The following TET1 variants were observed in gnomAD, a reference collection of about 807,000 sequenced individuals.
TET1 encodes tet methylcytosine dioxygenase 1, also known as methylcytosine dioxygenase TET1.
TET1 carries 13 observed loss-of-function variants against 148.7 expected under a neutral mutation model. The ratio of observed to expected loss-of-function variants is 0.09; its 90% CI spans 0.06 to 0.14. The LOEUF is 0.14. Ranked by LOEUF, TET1 falls within the 10% of genes least tolerant of loss-of-function variation. The pLI is 1.00. For missense variants in TET1, 2,182 were observed against 2,553.8 expected, an observed-to-expected ratio of 0.85 and a Z score of 3.14; for synonymous variants, 907 against 937.2, an observed-to-expected ratio of 0.97 and a Z score of 0.59.
rs73262432 is a variant in TET1 at position 68,669,148 on chromosome 10, G to A, written c.4673+1892G>A. On this transcript the variant is annotated intron_variant, in intron 7 of 11. Coordinates refer to ENST00000373644, the MANE Select transcript of TET1 (RefSeq NM_030625.3). The stretch of plus-strand genomic sequence containing the variant: ...TGTTCCTGGCTACTTTGAAAGCTGA[G>A]GAGGGAGGATGGCTTGAGGCCAGGA... 7.3e-3 allele frequency among the ~76,000 whole-genome samples: 1,114 copies of A among 152,220 alleles called. 12 individuals carry two copies. The highest frequency in any genetic ancestry group is 0.026 in the African/African-American group (1,063 of 41,524).
At chr10:68,635,263 C>T (rs1022856742) in intron 3 of TET1, among the ~76,000 whole-genome samples, 1 of 151,826 alleles carries the variant, frequency 6.6e-6, no homozygotes, top group Non-Finnish European at 1.5e-5. Flanking sequence ...AGGCATTTTT[C>T]CTTTAAATAA....
Position 68,644,767 on chromosome 10 carries a change from G to T in TET1, c.2038G>T (p.Gly680Trp). The T allele has an allele frequency of 1.2e-6, 2 of 1,613,206 alleles. No homozygotes were observed. The highest frequency in any genetic ancestry group is 3.3e-5 in the Admixed American group (2 of 59,840). Reference protein sequence around the residue: ...ESMDYSRCGHGEEQKLELNPH... With the variant: ...ESMDYSRCGHWEEQKLELNPH... ...CATGGACTACAGTAGATGTGGTCAT[G>T]GGGAAGAACAAAAATTGGAATTGAA... Residue 680 changes from glycine to tryptophan, a missense_variant, in exon 4 of 12, where the codon GGG becomes TGG. By Grantham distance (184) the Gly-to-Trp change is radical (BLOSUM62 -2). Transcript: ENST00000373644.
chr10:68,661,791 TTTTTC>T (rs1441442636), intron 6 of TET1, among the ~76,000 whole-genome samples: 3 of 151,176 alleles, frequency 2.0e-5, no homozygotes, highest in Non-Finnish European at 2.9e-5. Context: ...AGCCAGAACT[TTTTTC>T]TTTTCTTTTC....
intron 3 of TET1, among the ~76,000 whole-genome samples, chr10:68,633,564 A>G (rs10998350): frequency 0.48 from 73,211 of 151,670 alleles, 18,805 homozygotes; most frequent in Non-Finnish European, 0.58. Context: ...GTATTAGGTT[A>G]GTGCAAAAGT....
chr10:68,562,234 G>A (rs897605524), intron 1 of TET1, among the ~76,000 whole-genome samples: 2 of 152,104 alleles, frequency 1.3e-5, no homozygotes, highest in Non-Finnish European at 2.9e-5. Context: ...TAAAATAAAA[G>A]CAATGGTTTA....
At chr10:68,679,934 A>G (rs1216848003) in intron 8 of TET1, among the ~76,000 whole-genome samples, 1 of 152,218 alleles carries the variant, frequency 6.6e-6, no homozygotes, top group Admixed American at 6.5e-5. Context: ...TCAGCCTCCC[A>G]AAGTGCTGGG....
intron 8 of TET1, chr10:68,674,819 A>G: frequency 2.1e-6 from 1 of 477,476 alleles, no homozygotes; most frequent in Non-Finnish European, 4.0e-6. Context: ...GAACAAGTTG[A>G]TGGAAATCAT....
At chr10:68,680,747 T>A (rs1412449215) in intron 8 of TET1, among the ~76,000 whole-genome samples, 2 of 152,348 alleles carry the variant, frequency 1.3e-5, no homozygotes, top group East Asian at 3.8e-4. Flanking sequence ...CTTCAAAGTC[T>A]TCTTCAATTT....
intron 7 of TET1, among the ~76,000 whole-genome samples, chr10:68,669,923 C>T (rs1446094410): frequency 6.6e-6 from 1 of 152,170 alleles, no homozygotes; most frequent in Non-Finnish European, 1.5e-5. Context: ...GGATTACAGA[C>T]GTGAGCCACC....
At chr10:68,569,621 T>A (rs1380970759) in intron 1 of TET1, among the ~76,000 whole-genome samples, 1 of 151,254 alleles carries the variant, frequency 6.6e-6, no homozygotes, top group Non-Finnish European at 1.5e-5. Flanking sequence ...ATTTAAGCTT[T>A]AAAACATATA....
intron 11 of TET1, among the ~76,000 whole-genome samples, 183 bp downstream of exon 11, chr10:68,686,890 C>CCT (rs2055519394): frequency 6.6e-6 from 1 of 151,236 alleles, no homozygotes; most frequent in South Asian, 2.1e-4. Flanking sequence ...TTCGACTTAT[C>CCT]CTTTTTTTTT....
At chr10:68,632,975 G>C (rs1834164065) in intron 3 of TET1, among the ~76,000 whole-genome samples, 1 of 152,086 alleles carries the variant, frequency 6.6e-6, no homozygotes, top group Non-Finnish European at 1.5e-5. Context: ...CCTGAGGTCA[G>C]GAGTTCGAGA....
At chr10:68,658,416 G>A (rs1440377657) in intron 6 of TET1, among the ~76,000 whole-genome samples, 1 of 152,056 alleles carries the variant, frequency 6.6e-6, no homozygotes, top group East Asian at 1.9e-4. Context: ...TGGGATTACA[G>A]GCGTGAGCCA....
At chr10:68,632,835 TAA>T (rs34118781) in intron 3 of TET1, 8,013 of 425,926 alleles carry the variant, frequency 0.019, no homozygotes, top group East Asian at 0.027. Flanking sequence ...GTTTAAGTTG[TAA>T]AAAAAAAAAA....
At chr10:68,587,443 C>T (rs1211309844) in intron 2 of TET1, among the ~76,000 whole-genome samples, 1 of 152,136 alleles carries the variant, frequency 6.6e-6, no homozygotes, top group Non-Finnish European at 1.5e-5. Flanking sequence ...TACAGAATTG[C>T]AGGGAGATTT....
intron 3 of TET1, chr10:68,632,834 GT>G (rs2054595016): frequency 6.5e-6 from 2 of 308,174 alleles, no homozygotes; most frequent in South Asian, 6.4e-5. Context: ...AGTTTAAGTT[GT>G]AAAAAAAAAA....
At chr10:68,651,719 C>A in intron 4 of TET1, 127 bp from the exon 5 acceptor site, 3 of 581,344 alleles carry the variant, frequency 5.2e-6, no homozygotes, top group Non-Finnish European at 8.5e-6. Context: ...ATTATCAAAT[C>A]TTACCAAAAC....
chr10:68,657,323 C>T (rs894501911), intron 6 of TET1, among the ~76,000 whole-genome samples: 5 of 152,082 alleles, frequency 3.3e-5, no homozygotes, highest in African/African-American at 4.8e-5. Flanking sequence ...ACTACAGGCG[C>T]CTGCCACCAC....
intron 9 of TET1, among the ~76,000 whole-genome samples, chr10:68,682,523 C>A (rs1041458085): frequency 6.6e-6 from 1 of 152,032 alleles, no homozygotes; most frequent in African/African-American, 2.4e-5. Context: ...ATGATTAATG[C>A]GCTTTTATTG....
Sources: gnomAD v4.1 joint callset for allele counts (sites outside exome capture counted in the v4.1 genomes callset) on GRCh38, gnomAD v4.1.1 for gene constraint, MANE v1.5 for transcripts, NCBI Gene and HGNC (gene_info 2026-07-23, HGNC 2026-07-21) for gene names.